Variants in SLC24A4 observed in about 807,000 individuals in gnomAD.
SLC24A4 encodes solute carrier family 24 member 4, also known as sodium/potassium/calcium exchanger 4.
A neutral mutation model predicts 79.0 loss-of-function variants in SLC24A4; 53 were observed. The ratio of observed to expected loss-of-function variants is 0.67; its 90% CI spans 0.54 to 0.84. The LOEUF (loss-of-function observed/expected upper bound fraction) is 0.84, where lower values mean the gene tolerates loss of function less well. Among genes scored for constraint, SLC24A4 ranks in the 40% least tolerant of loss-of-function variants. The probability of loss-of-function intolerance (pLI) is 0.00; values close to 1 mark genes in which losing one functional copy is unlikely to be tolerated. For synonymous variants in SLC24A4, 323 were observed against 323.8 expected (o/e 1.00, Z 0.03); for missense variants, 731 against 822.0 (o/e 0.89, Z 1.35).
rs150520570 is a variant in SLC24A4, at chr14:92,441,888, C to G, written c.394-201C>G. ...GATAGTTGGGGGTGGGGAAGGGGCTCTGAGTGGAATGCCTGGTGGAGGCTG... is the reference window on the plus strand; with the variant it reads ...GATAGTTGGGGGTGGGGAAGGGGCTGTGAGTGGAATGCCTGGTGGAGGCTG... On this transcript the variant is annotated intron_variant, in intron 4 of 16. Coordinates refer to ENST00000532405, the MANE Select transcript of SLC24A4 (RefSeq NM_153646.4). This position sits in a 1 kb window ranked among gnomAD's most constrained non-coding sequence, Gnocchi z 4.6. Among the ~76,000 whole-genome samples the G allele has an allele frequency of 2.0e-5, 3 of 152,252 alleles. No homozygotes were observed. The highest frequency in any genetic ancestry group is 6.5e-5 in the Admixed American group (1 of 15,298).
chr14:92,330,373 C>T (rs1206100375), intron 2 of SLC24A4, among the ~76,000 whole-genome samples: 1 of 152,148 alleles, frequency 6.6e-6, no homozygotes, highest in East Asian at 1.9e-4. Flanking sequence ...TTTATTTTTG[C>T]TCAATGATGT....
At chr14:92,421,516 T>C (rs1045864121) in intron 2 of SLC24A4, among the ~76,000 whole-genome samples, 2 of 152,136 alleles carry the variant, frequency 1.3e-5, no homozygotes, top group African/African-American at 4.8e-5. Context: ...TTTTTTGTTT[T>C]TGTTTTTTTG....
At chr14:92,447,345 A>T (rs1892857203) in intron 8 of SLC24A4, 26 bp from the exon 9 acceptor site, 1 of 1,613,442 alleles carries the variant, frequency 6.2e-7, no homozygotes, top group South Asian at 1.1e-5. Flanking sequence ...CCGAGCTCTA[A>T]CCGCAATCTC....
chr14:92,381,018 C>T (rs1306750315), intron 2 of SLC24A4, among the ~76,000 whole-genome samples: 1 of 152,184 alleles, frequency 6.6e-6, no homozygotes, highest in Non-Finnish European at 1.5e-5. Context: ...GAGATGCCCA[C>T]TGGGCCACAC....
Position 92,474,783 on chromosome 14 carries a change from A to G in SLC24A4, c.1256-7897A>G, listed in dbSNP as rs12880095. On this transcript the variant is annotated intron_variant, in intron 12 of 16. Coordinates refer to ENST00000532405, the MANE Select transcript of SLC24A4 (RefSeq NM_153646.4). ...TATACGTATATATGTGTGTATATAT[A>G]TGTGTGTGTGTATATATATACATAT... 6.7e-3 allele frequency among the ~76,000 whole-genome samples: 604 copies of G among 90,034 alleles called. 8 individuals carry two copies. The highest frequency in any genetic ancestry group is 0.02 in the Middle Eastern group (4 of 196). 59.1% of individuals were successfully genotyped at this position (90,034 alleles called of 152,430 possible).
chr14:92,439,776 G>A (rs1322314180), intron 4 of SLC24A4, among the ~76,000 whole-genome samples: 3 of 152,256 alleles, frequency 2.0e-5, no homozygotes, highest in Non-Finnish European at 4.4e-5. Flanking sequence ...CAGGTGACAG[G>A]TGGGCCCACC....
intron 2 of SLC24A4, among the ~76,000 whole-genome samples, chr14:92,409,282 G>A (rs1389341246): frequency 6.6e-6 from 1 of 152,234 alleles, no homozygotes; most frequent in African/African-American, 2.4e-5. Context: ...GGAAGGAGGT[G>A]TGGAGGGGAG....
chr14:92,401,250 G>C (rs1378707978), intron 2 of SLC24A4, among the ~76,000 whole-genome samples: 1 of 152,184 alleles, frequency 6.6e-6, no homozygotes, highest in African/African-American at 2.4e-5. Flanking sequence ...TGCTGTGCTG[G>C]TAGATAGGGG....
At chr14:92,343,592 CTTT>C in intron 2 of SLC24A4, among the ~76,000 whole-genome samples, 1 of 122,686 alleles carries the variant, frequency 8.2e-6, no homozygotes, top group African/African-American at 3.0e-5. Context: ...TTCTTTCTTT[CTTT>C]CTTTCTTTCT....
chr14:92,346,446 G>T (rs1886533008), intron 2 of SLC24A4, among the ~76,000 whole-genome samples: 2 of 152,180 alleles, frequency 1.3e-5, no homozygotes, highest in Admixed American at 1.3e-4. Context: ...ATTACCATAA[G>T]TCTTGGGAGA....
At chr14:92,487,650 G>A (rs550244495) in intron 14 of SLC24A4, among the ~76,000 whole-genome samples, 48 of 152,304 alleles carry the variant, frequency 3.2e-4, no homozygotes, top group African/African-American at 1.1e-3. Context: ...GCAGCTGAGG[G>A]AGGAATGGAA....
At chr14:92,449,324 C>CT (rs1893009602) in intron 10 of SLC24A4, 108 bp downstream of exon 10, 2 of 1,025,424 alleles carry the variant, frequency 2.0e-6, no homozygotes, top group Non-Finnish European at 1.4e-6. Flanking sequence ...ACACACACAC[C>CT]CTCTCACAAT....
At chr14:92,457,587 G>C (rs10141852) in intron 12 of SLC24A4, 38,136 of 152,540 alleles carry the variant, frequency 0.25, 4,928 homozygotes, top group Middle Eastern at 0.31. Context: ...GTAGGTATCC[G>C]TCAAATGAAT....
In SLC24A4 at chr14:92,380,799, G is replaced by A. The variant is rs78605103; in HGVS notation, c.242-53113G>A. 2.2e-4 allele frequency among the ~76,000 whole-genome samples: 33 copies of A among 152,352 alleles called. 2 individuals are homozygous for A. The East Asian group carries it at 6.2e-3, about 29-fold the overall frequency. On this transcript the variant is annotated intron_variant, in intron 2 of 16. Coordinates refer to ENST00000532405, the MANE Select transcript of SLC24A4 (RefSeq NM_153646.4). Reference sequence around the variant, plus strand: ...TGCGTGGGGAGGCTCAGGGGGCAGGGCAGAGGCTCTGGAGGTGCAAGCGGC... The same window carrying A: ...TGCGTGGGGAGGCTCAGGGGGCAGGACAGAGGCTCTGGAGGTGCAAGCGGC...
chr14:92,485,471 G>GA (rs1486202876), intron 13 of SLC24A4, among the ~76,000 whole-genome samples: 1 of 145,874 alleles, frequency 6.9e-6, no homozygotes, highest in African/African-American at 2.5e-5. Context: ...TCCTGTCTCA[G>GA]AAAAAAGAAA....
chr14:92,372,954 TCTCC>T (rs1888273993), intron 2 of SLC24A4, among the ~76,000 whole-genome samples: 1 of 144,926 alleles, frequency 6.9e-6, no homozygotes, highest in East Asian at 2.0e-4. Context: ...TCTCTCTCTC[TCTCC>T]CTCTCTCTCT....
chr14:92,377,416 A>G (rs1046927367), intron 2 of SLC24A4, among the ~76,000 whole-genome samples: 2 of 152,238 alleles, frequency 1.3e-5, no homozygotes, highest in African/African-American at 4.8e-5. Context: ...GCCAAAGACT[A>G]AAAGCTGGAG....
chr14:92,496,146 GT>G lies in SLC24A4; in HGVS notation c.*2524del, dbSNP rs527750057. 6.6e-6 allele frequency: 1 copy of G among 152,608 alleles called. No homozygotes were observed. Among genetic ancestry groups the G allele is most frequent in the Non-Finnish European group, 1.5e-5 (1 of 68,026 alleles). The allele number at this position is 152,608 out of a possible 1,614,324, so 9.5% of individuals were successfully genotyped here. ...AGTTGCAGTTAGAAACTAAAATAAT[GT>G]TTTTTAATATGTAATATGCTCCTCT... On this transcript the variant is annotated 3_prime_UTR_variant, in exon 17 of 17. Coordinates refer to ENST00000532405, the MANE Select transcript of SLC24A4 (RefSeq NM_153646.4).
chr14:92,402,619 T>C (rs1428957414), intron 2 of SLC24A4, among the ~76,000 whole-genome samples: 3 of 152,144 alleles, frequency 2.0e-5, no homozygotes, highest in African/African-American at 7.2e-5. Context: ...TTAATTGGAC[T>C]TACAGTTCCA....
Sources: allele counts gnomAD v4.1 joint callset (sites outside exome capture counted in the v4.1 genomes callset), GRCh38; gene constraint gnomAD v4.1.1; non-coding constraint Gnocchi (gnomAD v3.1); transcripts MANE v1.5; gene names NCBI Gene and HGNC (gene_info 2026-07-23, HGNC 2026-07-21).